Variants in ESRRG observed in about 807,000 individuals in gnomAD.
The protein encoded by ESRRG is estrogen related receptor gamma.
Under a neutral mutation model 44.0 loss-of-function variants are expected in ESRRG, and 13 were observed. The ratio of observed to expected loss-of-function variants is 0.30; its 90% CI spans 0.19 to 0.47. The LOEUF (loss-of-function observed/expected upper bound fraction) is 0.47. Among genes scored for constraint, ESRRG ranks in the 20% least tolerant of loss-of-function variants. The pLI is 1.00. For synonymous variants in ESRRG, 215 were observed against 214.6 expected, an observed-to-expected ratio of 1.00 and a Z score of -0.02; for missense variants, 395 against 580.6, an observed-to-expected ratio of 0.68 and a Z score of 3.29.
At chr1:216,835,586 T>C (rs1468780721) in intron 2 of ESRRG, among the ~76,000 whole-genome samples, 1 of 152,204 alleles carries the variant, frequency 6.6e-6, no homozygotes, top group Non-Finnish European at 1.5e-5. Context: ...TCTCAGGCCA[T>C]ATTTAGTTCA....
chr1:216,877,905 A>G (rs545755352), intron 2 of ESRRG, among the ~76,000 whole-genome samples: 2 of 152,268 alleles, frequency 1.3e-5, no homozygotes, highest in African/African-American at 2.4e-5. Context: ...CTATGTATCC[A>G]TTCGTCCAGT....
intron 1 of ESRRG, among the ~76,000 whole-genome samples, chr1:216,679,590 T>G (rs1398016496): frequency 6.6e-6 from 1 of 151,952 alleles, no homozygotes. Flanking sequence ...TCTTTCACCA[T>G]CTGCCTACAA....
chr1:216,511,547 T>TCACACACACA (rs79870471), intron 6 of ESRRG, among the ~76,000 whole-genome samples: 4,945 of 144,724 alleles, frequency 0.034, 241 homozygotes, highest in African/African-American at 0.11. Flanking sequence ...ATACATAAAT[T>TCACACACACA]CACACACACA....
At chr1:216,973,981 T>C (rs2072311048) in intron 1 of ESRRG, among the ~76,000 whole-genome samples, 1 of 152,164 alleles carries the variant, frequency 6.6e-6, no homozygotes, top group Admixed American at 6.6e-5. Flanking sequence ...AACTGTGTTA[T>C]CCTAATTGTC....
chr1:217,024,330 C>T (rs1032078184), intron 1 of ESRRG, among the ~76,000 whole-genome samples: 1 of 151,126 alleles, frequency 6.6e-6, no homozygotes, highest in African/African-American at 2.4e-5. Flanking sequence ...TGCACTCCAG[C>T]CTGAGCGACA....
At chr1:216,934,427 C>G (rs1048731013) in intron 2 of ESRRG, among the ~76,000 whole-genome samples, 1 of 152,080 alleles carries the variant, frequency 6.6e-6, no homozygotes, top group Admixed American at 6.6e-5. Flanking sequence ...GAATGAGACT[C>G]CATCTCAAAA....
intron 1 of ESRRG, among the ~76,000 whole-genome samples, chr1:217,026,650 T>G (rs988478935): frequency 4.6e-5 from 7 of 152,176 alleles, no homozygotes; most frequent in Admixed American, 3.9e-4. Flanking sequence ...CTGGCAAATC[T>G]GCCTAAGGGA....
intron 2 of ESRRG, among the ~76,000 whole-genome samples, chr1:216,751,130 CA>C (rs1279143322): frequency 2.0e-5 from 3 of 152,130 alleles, no homozygotes; most frequent in Non-Finnish European, 2.9e-5. Context: ...AAAATGTACC[CA>C]ACACCAAGTA....
intron 4 of ESRRG, among the ~76,000 whole-genome samples, chr1:216,565,649 TATTA>T (rs1361254051): frequency 6.6e-6 from 1 of 152,182 alleles, no homozygotes; most frequent in Non-Finnish European, 1.5e-5. Flanking sequence ...ATGGCTCCCA[TATTA>T]ATTATAATTA....
At chr1:216,780,482 G>A (rs1219350037) in intron 2 of ESRRG, among the ~76,000 whole-genome samples, 1 of 152,036 alleles carries the variant, frequency 6.6e-6, no homozygotes, top group Non-Finnish European at 1.5e-5. Context: ...ATAAGAGCTA[G>A]AAATTGCTGA....
intron 2 of ESRRG, among the ~76,000 whole-genome samples, chr1:216,799,796 C>T (rs1308044401): frequency 1.3e-5 from 2 of 152,094 alleles, no homozygotes; most frequent in African/African-American, 4.8e-5. Context: ...CTAGAAAAAG[C>T]AAAACAGAAA....
At chr1:216,880,742 C>T (rs1004322403) in intron 2 of ESRRG, among the ~76,000 whole-genome samples, 34 of 152,052 alleles carry the variant, frequency 2.2e-4, no homozygotes, top group African/African-American at 7.0e-4. Context: ...CTAAATATGG[C>T]AGGAAAGTAT....
At chr1:217,029,357 A>G (rs1333680919) in intron 1 of ESRRG, among the ~76,000 whole-genome samples, 2 of 152,190 alleles carry the variant, frequency 1.3e-5, no homozygotes, top group Non-Finnish European at 2.9e-5. Flanking sequence ...GTAAGGGAAG[A>G]AAAACTTGAA....
At chr1:216,937,951 A>G (rs2149908709) in intron 2 of ESRRG, among the ~76,000 whole-genome samples, 1 of 151,882 alleles carries the variant, frequency 6.6e-6, no homozygotes, top group South Asian at 2.1e-4. Flanking sequence ...TGGAGGTGAT[A>G]AAGGTGAAGG....
At chr1:216,903,284 T>C (rs2059299317) in intron 2 of ESRRG, among the ~76,000 whole-genome samples, 1 of 152,158 alleles carries the variant, frequency 6.6e-6, no homozygotes, top group African/African-American at 2.4e-5. Context: ...TTATTCTTCA[T>C]GGAGTGCTTT....
At chr1:217,013,202 A>T (rs527526300) in intron 1 of ESRRG, among the ~76,000 whole-genome samples, 1 of 152,338 alleles carries the variant, frequency 6.6e-6, no homozygotes, top group African/African-American at 2.4e-5. Context: ...TCTTTCTTGG[A>T]GTATACAATT....
At chr1:216,741,395 A>G (rs1252410150) in intron 2 of ESRRG, among the ~76,000 whole-genome samples, 1 of 150,982 alleles carries the variant, frequency 6.6e-6, no homozygotes, top group East Asian at 1.9e-4. Flanking sequence ...AGGCTAAAAC[A>G]CCAACCTCAC....
At chr1:217,042,521 G>A (rs1197782703) in intron 1 of ESRRG, among the ~76,000 whole-genome samples, 3 of 142,004 alleles carry the variant, frequency 2.1e-5, no homozygotes, top group Non-Finnish European at 4.5e-5. Flanking sequence ...CACACTGCAT[G>A]TGCTCTGACA....
At chr1:217,126,665 G>A (rs776751396) in intron 1 of ESRRG, among the ~76,000 whole-genome samples, 1 of 152,170 alleles carries the variant, frequency 6.6e-6, no homozygotes, top group Non-Finnish European at 1.5e-5. Flanking sequence ...ACTTGGCTTG[G>A]TATAGACACA....
Sources: gnomAD v4.1 joint callset for allele counts (sites outside exome capture counted in the v4.1 genomes callset) on GRCh38, gnomAD v4.1.1 for gene constraint, MANE v1.5 for transcripts, NCBI Gene and HGNC (gene_info 2026-07-23, HGNC 2026-07-21) for gene names.